Variants in MEGF8 observed in about 807,000 individuals in gnomAD.
MEGF8 encodes the protein multiple EGF like domains 8.
MEGF8 carries 156 observed loss-of-function variants against 302.9 expected under a neutral mutation model. The observed-to-expected ratio is 0.52, with a 90% confidence interval of 0.45 to 0.59. The LOEUF (loss-of-function observed/expected upper bound fraction) is 0.59. Among genes scored for constraint, MEGF8 ranks in the 20% least tolerant of loss-of-function variants. MEGF8 has a pLI of 0.00. For missense variants in MEGF8, 3,345 were observed against 3,964.5 expected, an observed-to-expected ratio of 0.84 and a Z score of 4.20; for synonymous variants, 1,621 against 1,660.5, an observed-to-expected ratio of 0.98 and a Z score of 0.58.
chr19:42,356,988 A>C lies in MEGF8; in HGVS notation c.4830+7A>C. The C allele has an allele frequency of 6.3e-7, 1 of 1,579,740 alleles. No individual in the cohort carries two copies. Among genetic ancestry groups the C allele is most frequent in the Non-Finnish European group, 8.6e-7 (1 of 1,163,958 alleles). On this transcript the variant is annotated splice_region_variant and intron_variant, in intron 27 of 41. Coordinates refer to ENST00000251268, the MANE Select transcript of MEGF8 (RefSeq NM_001271938.2). The surrounding 1 kb of genome is among the most constrained non-coding windows in gnomAD (Gnocchi z 5.2). ...GCAATGGCGGCAGGAGAAGGTGAGC[A>C]TCTCTCCCCAGCCCACTCCCCAGCC...
chr19:42,355,964 G>C lies in MEGF8; in HGVS notation c.4351G>C (p.Glu1451Gln). The change falls in exon 24 of 42, where the codon GAG becomes CAG. Residue 1451 changes from glutamate to glutamine, a missense_variant. By Grantham distance (29) the Glu-to-Gln change is conservative. Coordinates refer to ENST00000251268, the MANE Select transcript of MEGF8 (RefSeq NM_001271938.2). ...ACACTGCCGCATGGCTCTGTGTCCT[G>C]AGAACTGCAATGCCCACACTGGGGC... ...GPHCRMALCP[E>Q]NCNAHTGAGT... 6.2e-7 allele frequency: 1 copy of C among 1,612,240 alleles called. No homozygotes were observed. The highest frequency in any genetic ancestry group is 8.5e-7 in the Non-Finnish European group (1 of 1,179,590).
chr19:42,337,607 C>T (rs1281390483), intron 8 of MEGF8, among the ~76,000 whole-genome samples: 1 of 147,132 alleles, frequency 6.8e-6, no homozygotes, highest in East Asian at 2.0e-4. Context: ...CCGGGTTTCA[C>T]GCCATTCTCC....
At chr19:42,342,527 C>G (rs2039229102) in intron 8 of MEGF8, among the ~76,000 whole-genome samples, 1 of 151,948 alleles carries the variant, frequency 6.6e-6, no homozygotes, top group African/African-American at 2.4e-5. Context: ...GTCTCAGCTA[C>G]TTGGGAGGCT....
In MEGF8 at chr19:42,368,665, G is replaced by T; in HGVS notation, c.6481+3G>T. 6.5e-7 allele frequency: 1 copy of T among 1,542,172 alleles called. No individual in the cohort carries two copies. Among genetic ancestry groups the T allele is most frequent in the South Asian group, 1.2e-5 (1 of 81,802 alleles). On this transcript the variant is annotated splice_donor_region_variant and intron_variant, in intron 36 of 41. Transcript: ENST00000251268. The surrounding 1 kb of genome is among the most constrained non-coding windows in gnomAD (Gnocchi z 4.9). The stretch of plus-strand genomic sequence containing the variant: ...TGGACTCAGCGGCCCCCGTGATGGT[G>T]AGAGGGCTTTGGGCACTGGGGGAGA...
At chr19:42,348,535 T>G in intron 13 of MEGF8, 63 bp downstream of exon 13, 3 of 1,399,764 alleles carry the variant, frequency 2.1e-6, no homozygotes, top group Non-Finnish European at 2.8e-6. Flanking sequence ...GGGTGTGGTA[T>G]AGAGCATCTG....
Position 42,375,395 on chromosome 19 carries a change from C to A in MEGF8, c.7270-112C>A, listed in dbSNP as rs565598642. ...GTGACTGGGGCAGTGGGGGTGAGGC[C>A]CAGGGCAATGGCTACTTAGCAGTGG... On this transcript the variant is annotated intron_variant, in intron 41 of 41. Coordinates refer to ENST00000251268, the MANE Select transcript of MEGF8 (RefSeq NM_001271938.2). This position sits in a 1 kb window ranked among gnomAD's most constrained non-coding sequence, Gnocchi z 7.1. 4.4e-6 allele frequency: 5 copies of A among 1,139,320 alleles called. No homozygotes were observed. The South Asian group carries it at 8.0e-5, about 18-fold the overall frequency. The allele number at this position is 1,139,320 out of a possible 1,614,324, so 70.6% of individuals were successfully genotyped here.
chr19:42,334,937 C>G, intron 3 of MEGF8, 98 bp from the exon 4 acceptor site: 1 of 1,206,082 alleles, frequency 8.3e-7, no homozygotes, highest in African/African-American at 1.5e-5. Flanking sequence ...TGTGCCCTGT[C>G]TGTCTCATTC....
At chr19:42,361,028 G>C (rs780590765) in intron 32 of MEGF8, 22 bp downstream of exon 32, 1 of 1,530,040 alleles carries the variant, frequency 6.5e-7, no homozygotes, top group Non-Finnish European at 8.8e-7. Flanking sequence ...GACCATGACA[G>C]GCAGTGGGGA....
At position 42,351,737 on chromosome 19, in the gene MEGF8, A is replaced by G; in HGVS notation, c.3077A>G (p.Asn1026Ser). The G allele has an allele frequency of 1.3e-6, 2 of 1,583,392 alleles. No individual in the cohort carries two copies. Among genetic ancestry groups the G allele is most frequent in the Non-Finnish European group, 8.6e-7 (1 of 1,165,976 alleles). ...LQSHECGWCG[N>S]EDNPTLGRCL... is the part of the protein sequence containing the mutation. The stretch of plus-strand genomic sequence containing the variant: ...AGCCACGAGTGTGGCTGGTGTGGCA[A>G]TGAGGACAACCCCACACTGGGACGG... The change falls in exon 18 of 42, where the codon AAT becomes AGT. Residue 1026 changes from asparagine (N) to serine (S), a missense_variant. By Grantham distance (46) the Asn-to-Ser change is conservative. Coordinates refer to ENST00000251268, the MANE Select transcript of MEGF8 (RefSeq NM_001271938.2). This position sits in a 1 kb window ranked among gnomAD's most constrained non-coding sequence, Gnocchi z 5.6.
rs549385528 is a variant in MEGF8, at chr19:42,338,914, A to C, written c.1513+1708A>C. Among the ~76,000 whole-genome samples the C allele has an allele frequency of 2.5e-4, 34 of 133,472 alleles. No homozygotes were observed. The East Asian group carries it at 4.6e-3, about 18-fold the overall frequency. The allele number at this position is 133,472 out of a possible 152,430, so 87.6% of individuals were successfully genotyped here. ...CAGTGGCGGGATCTCGGCTCACTGC[A>C]ACCTCCACCTCCCAGGTTCAAGCGA... On this transcript the variant is annotated intron_variant, in intron 8 of 41. Coordinates refer to ENST00000251268, the MANE Select transcript of MEGF8 (RefSeq NM_001271938.2).
At position 42,358,416 on chromosome 19, in the gene MEGF8, T is replaced by C; in HGVS notation, c.5175+109T>C. The C allele has an allele frequency of 7.4e-7, 1 of 1,355,710 alleles. No individual in the cohort carries two copies. 84.0% of individuals were successfully genotyped at this position (1,355,710 alleles called of 1,614,324 possible). A position where few individuals can be genotyped will look rare whatever the true frequency, so the allele number is the denominator to read the frequency against. On this transcript the variant is annotated intron_variant, in intron 29 of 41. Coordinates refer to ENST00000251268, the MANE Select transcript of MEGF8 (RefSeq NM_001271938.2). This position sits in a 1 kb window ranked among gnomAD's most constrained non-coding sequence, Gnocchi z 4.4. The stretch of plus-strand genomic sequence containing the variant: ...TCCCAGATTCCTGCTTCCCCTCCTT[T>C]CTATGTTCCCTAACTAAGCGACACC...
At position 42,371,326 on chromosome 19, in the gene MEGF8, C is replaced by T. The variant is rs183142682; in HGVS notation, c.7137-24C>T. On this transcript the variant is annotated intron_variant, in intron 40 of 41. Transcript: ENST00000251268. ...GGACCACTGCAGGCCATGGGGGCTC[C>T]GTAACCCTCAACTTCTTCCCCAGAT... 1.9e-5 allele frequency: 30 copies of T among 1,612,578 alleles called. No homozygotes were observed. The Middle Eastern group carries it at 6.6e-4, about 36-fold the overall frequency.
intron 32 of MEGF8, 96 bp downstream of exon 32, chr19:42,361,102 C>T (rs901699480): frequency 4.7e-5 from 61 of 1,308,464 alleles, no homozygotes; most frequent in African/African-American, 1.5e-4. Flanking sequence ...AGGAGTATAC[C>T]GTCTGGTTCA....
In MEGF8 at chr19:42,336,303, C is replaced by A; in HGVS notation, c.1201C>A (p.Arg401Ser). The change falls in exon 6 of 42, where the codon CGT becomes AGT. Residue 401 changes from arginine to serine, a missense_variant. Arg to Ser is a moderately radical substitution (Grantham distance 110). Coordinates refer to ENST00000251268, the MANE Select transcript of MEGF8 (RefSeq NM_001271938.2). The surrounding 1 kb of genome is among the most constrained non-coding windows in gnomAD (Gnocchi z 4.8). ...GHSMVFHAPSRALLVHGGHRP... is the reference protein window; with the variant it reads ...GHSMVFHAPSSALLVHGGHRP... ...CTCCATGGTGTTCCATGCCCCCTCC[C>A]GTGCCCTGCTGGTCCATGGTGGACA... 6.2e-7 allele frequency: 1 copy of A among 1,607,248 alleles called. No homozygotes were observed. The highest frequency in any genetic ancestry group is 8.5e-7 in the Non-Finnish European group (1 of 1,179,034).
chr19:42,340,418 TG>T (rs1291128403), intron 8 of MEGF8, among the ~76,000 whole-genome samples: 2 of 151,964 alleles, frequency 1.3e-5, no homozygotes, highest in Admixed American at 6.6e-5. Context: ...TTAGTAGAGA[TG>T]GGGTTTGCCA....
At position 42,375,831 on chromosome 19, in the gene MEGF8, C is replaced by T; in HGVS notation, c.7594C>T (p.Pro2532Ser). ...TGTACACATCCAGCCACCCCCAGCCCCACCACCTCCACCACCCCCTGCAGA... is the reference window on the plus strand; with the variant it reads ...TGTACACATCCAGCCACCCCCAGCCTCACCACCTCCACCACCCCCTGCAGA... ...HTVHIQPPPA[P>S]PPPPPPADGG... Residue 2532 changes from proline to serine, a missense_variant, in exon 42 of 42, where the codon CCA becomes TCA. By Grantham distance (74) the Pro-to-Ser change is moderately conservative. Coordinates refer to ENST00000251268, the MANE Select transcript of MEGF8 (RefSeq NM_001271938.2). This position sits in a 1 kb window ranked among gnomAD's most constrained non-coding sequence, Gnocchi z 7.1. The T allele has an allele frequency of 6.2e-7, 1 of 1,610,582 alleles. No homozygotes were observed.
Position 42,334,019 on chromosome 19 carries a change from C to T in MEGF8, c.364C>T (p.Leu122Phe). The change falls in exon 3 of 42, where the codon CTC (leucine) becomes TTC (phenylalanine). Residue 122 changes from leucine to phenylalanine, a missense_variant. Transcript: ENST00000251268. ...EASSGKMLLH[L>F]FSDANYNLLG... ...CTTGTGCCCGCAGATGCTGCTGCACCTCTTCAGTGATGCCAACTACAACCT... is the reference window on the plus strand; with the variant it reads ...CTTGTGCCCGCAGATGCTGCTGCACTTCTTCAGTGATGCCAACTACAACCT... The T allele has an allele frequency of 2.5e-6, 4 of 1,613,616 alleles. No homozygotes were observed. Among genetic ancestry groups the T allele is most frequent in the Admixed American group, 1.7e-5 (1 of 59,968 alleles).
chr19:42,327,091 T>C (rs961755429), intron 1 of MEGF8, among the ~76,000 whole-genome samples: 1 of 152,256 alleles, frequency 6.6e-6, no homozygotes, highest in Non-Finnish European at 1.5e-5. Context: ...ATAACAACAG[T>C]ACTCACCTCA....
Position 42,370,301 on chromosome 19 carries a change from G to A in MEGF8, c.6947G>A (p.Arg2316Lys), listed in dbSNP as rs373842617. 3.1e-6 allele frequency: 5 copies of A among 1,612,512 alleles called. No individual in the cohort carries two copies. In the African/African-American group the frequency reaches 6.7e-5, roughly 21 times the overall value. The change falls in exon 39 of 42, where the codon AGG (arginine) becomes AAG (lysine). Residue 2316 changes from arginine to lysine, a missense_variant. Physicochemically the swap from Arg to Lys is conservative, Grantham distance 26. Transcript: ENST00000251268. The stretch of plus-strand genomic sequence containing the variant: ...GGAAATAGCCACATCTGCATCTCCA[G>A]GAAGGAGTTACAAATGTCCAAGGGA... ...CRGNSHICISRKELQMSKGEP... is the reference protein window; with the variant it reads ...CRGNSHICISKKELQMSKGEP...
Sources: gnomAD v4.1 joint callset for allele counts (sites outside exome capture counted in the v4.1 genomes callset) on GRCh38, gnomAD v4.1.1 for gene constraint, Gnocchi (gnomAD v3.1) non-coding constraint, MANE v1.5 for transcripts, NCBI Gene and HGNC (gene_info 2026-07-23, HGNC 2026-07-21) for gene names.